Variants in NRP1 observed in about 807,000 individuals in gnomAD.
The protein encoded by NRP1 is neuropilin 1, also known as neuropilin-1.
In NRP1, 35 loss-of-function variants were observed where a neutral mutation model predicts 106.7. The observed-to-expected ratio is 0.33, with a 90% CI of 0.25 to 0.43. NRP1 has a LOEUF of 0.43. Ranked by LOEUF, NRP1 falls within the 20% of genes least tolerant of loss-of-function variation. The probability of loss-of-function intolerance (pLI) is 1.00; values close to 1 mark genes in which losing one functional copy is unlikely to be tolerated. For missense variants in NRP1, 1,024 were observed against 1,170.4 expected, an observed-to-expected ratio of 0.87 and a Z score of 1.83; for synonymous variants, 437 against 417.9, an observed-to-expected ratio of 1.05 and a Z score of -0.56.
chr10:33,241,159 C>T (rs771213115), intron 6 of NRP1, among the ~76,000 whole-genome samples: 62 of 152,100 alleles, frequency 4.1e-4, no homozygotes, highest in Non-Finnish European at 6.9e-4. Flanking sequence ...AATAGAAACG[C>T]CATGTGTGGA....
At chr10:33,284,122 T>C (rs1026878267) in intron 2 of NRP1, among the ~76,000 whole-genome samples, 5 of 152,212 alleles carry the variant, frequency 3.3e-5, no homozygotes, top group Non-Finnish European at 7.3e-5. Flanking sequence ...TGATAATACT[T>C]AAGTCTCAGC....
chr10:33,306,324 G>C (rs369609637), intron 2 of NRP1, among the ~76,000 whole-genome samples: 2 of 151,070 alleles, frequency 1.3e-5, no homozygotes, highest in African/African-American at 2.4e-5. Flanking sequence ...GTTTACGAAG[G>C]CAGCTGCTTT....
intron 15 of NRP1, among the ~76,000 whole-genome samples, chr10:33,183,967 G>A (rs1835846256): frequency 6.6e-6 from 1 of 152,090 alleles, no homozygotes; most frequent in Admixed American, 6.6e-5. Context: ...CCATAGAATT[G>A]TCTCAACTAT....
intron 6 of NRP1, among the ~76,000 whole-genome samples, chr10:33,237,214 G>T (rs1295078323): frequency 1.3e-5 from 2 of 152,098 alleles, no homozygotes; most frequent in Non-Finnish European, 2.9e-5. Context: ...CACATTTACT[G>T]TATGCCAGGA....
intron 11 of NRP1, chr10:33,202,663 T>C: frequency 1.3e-6 from 2 of 1,543,714 alleles, no homozygotes; most frequent in Non-Finnish European, 1.8e-6. Flanking sequence ...AGCCTTTGGC[T>C]CTCGAAATGG....
intron 13 of NRP1, 139 bp from the exon 14 acceptor site, chr10:33,186,627 T>C (rs557834031): frequency 5.9e-6 from 6 of 1,013,184 alleles, no homozygotes; most frequent in Admixed American, 2.7e-5. Flanking sequence ...GGGATAAGTG[T>C]GCACACTTGG....
intron 6 of NRP1, among the ~76,000 whole-genome samples, chr10:33,245,290 A>C (rs1357730216): frequency 6.6e-6 from 1 of 152,144 alleles, no homozygotes; most frequent in East Asian, 1.9e-4. Flanking sequence ...CAATGTCTGG[A>C]GACAGTATTT....
chr10:33,334,351 A>G lies in NRP1; in HGVS notation c.32T>C (p.Val11Ala). 1 of 1,546,818 alleles carries G rather than the reference A, an allele frequency of 6.5e-7. No homozygotes were observed. The highest frequency in any genetic ancestry group is 8.7e-7 in the Non-Finnish European group (1 of 1,147,476). Residue 11 changes from valine to alanine, a missense_variant, in exon 1 of 17, where the codon GTG becomes GCG. Around this residue, in one of 5 missense-constraint regions of NRP1, gnomAD observed 279 missense variants for 327.4 expected, o/e 0.85. Coordinates refer to ENST00000374867, the MANE Select transcript of NRP1 (RefSeq NM_003873.7). MERGLPLLCA[V>A]LALVLAPAGA... Reference sequence around the variant, plus strand: ...GGCCGGGGCGAGGACGAGGGCGAGCACGGCGCAGAGGAGCGGCAGCCCCCT... The same window carrying G: ...GGCCGGGGCGAGGACGAGGGCGAGCGCGGCGCAGAGGAGCGGCAGCCCCCT...
chr10:33,330,647 G>A lies in NRP1; in HGVS notation c.248+61C>T, dbSNP rs1433326041. ...CATTGTACACACCGACTTCCCCCCC[G>A]TAGACAGGCGTGACCACTAGATGGT... is the stretch of plus-strand genomic sequence containing the variant. On this transcript the variant is annotated intron_variant, in intron 2 of 16. Transcript: ENST00000374867. The A allele has an allele frequency of 1.9e-5, 27 of 1,440,736 alleles. 1 individual carries two copies. In the South Asian group the frequency reaches 2.8e-4, roughly 15 times the overall value. 89.2% of individuals were successfully genotyped at this position (1,440,736 alleles called of 1,614,324 possible).
intron 4 of NRP1, among the ~76,000 whole-genome samples, chr10:33,262,613 G>T (rs547034842): frequency 1.3e-5 from 2 of 148,636 alleles, no homozygotes; most frequent in Admixed American, 1.4e-4. Context: ...TGAGGCAGAA[G>T]AATTGCTTGA....
rs200246620 is a variant in NRP1, at chr10:33,207,654, C to T, written c.1677G>A (p.Thr559=). The part of the protein sequence containing the change: ...PELRTFPALS[T]RFIRIYPERA... Reference sequence around the variant, plus strand: ...TCTCGGGGTAGATCCTGATGAATCGCGTGGAGAGAGCTGGAAAAGTCCGCA... The same window carrying T: ...TCTCGGGGTAGATCCTGATGAATCGTGTGGAGAGAGCTGGAAAAGTCCGCA... Residue 559 remains threonine, a synonymous_variant, in exon 10 of 17, where the codon ACG becomes ACA. Transcript: ENST00000374867. The T allele has an allele frequency of 1.1e-5, 18 of 1,613,974 alleles. No homozygotes were observed. Among genetic ancestry groups the T allele is most frequent in the African/African-American group, 5.3e-5 (4 of 74,972 alleles).
At chr10:33,254,215 C>T (rs746218054) in intron 5 of NRP1, 21 bp from the exon 6 acceptor site, 116 of 1,586,866 alleles carry the variant, frequency 7.3e-5, no homozygotes, top group Non-Finnish European at 8.4e-5. Context: ...AAACAGGGCC[C>T]ACAGTCATCA....
intron 7 of NRP1, among the ~76,000 whole-genome samples, chr10:33,222,267 T>C (rs1839306035): frequency 6.6e-6 from 1 of 152,192 alleles, no homozygotes; most frequent in African/African-American, 2.4e-5. Context: ...AAGTAAACTA[T>C]AGGGCCTGGC....
At chr10:33,277,042 C>G (rs1199719835) in intron 2 of NRP1, among the ~76,000 whole-genome samples, 1 of 150,938 alleles carries the variant, frequency 6.6e-6, no homozygotes, top group Non-Finnish European at 1.5e-5. Flanking sequence ...GAGTTTGAGG[C>G]TGCAGTGAGC....
At chr10:33,201,606 G>C (rs1252004460) in intron 11 of NRP1, 2 of 152,162 alleles carry the variant, frequency 1.3e-5, no homozygotes, top group South Asian at 4.1e-4. Flanking sequence ...CACAGAAAAT[G>C]TCTCTGCATT....
At chr10:33,307,515 G>T (rs1357567220) in intron 2 of NRP1, among the ~76,000 whole-genome samples, 1 of 152,048 alleles carries the variant, frequency 6.6e-6, no homozygotes, top group East Asian at 1.9e-4. Context: ...TGAAAACATA[G>T]ATATAGTTTT....
At chr10:33,264,981 G>A (rs2284939) in intron 3 of NRP1, among the ~76,000 whole-genome samples, 78,628 of 151,648 alleles carry the variant, frequency 0.52, 21,114 homozygotes, top group African/African-American at 0.65. Flanking sequence ...GTGGTCGTGG[G>A]CACCTGTAAT....
chr10:33,244,882 A>C (rs1309382750), intron 6 of NRP1, among the ~76,000 whole-genome samples: 2 of 152,206 alleles, frequency 1.3e-5, no homozygotes, highest in Non-Finnish European at 2.9e-5. Flanking sequence ...GATAATTTGC[A>C]ATTTTATCCT....
At chr10:33,330,029 T>C (rs1371660372) in intron 2 of NRP1, among the ~76,000 whole-genome samples, 4 of 152,210 alleles carry the variant, frequency 2.6e-5, no homozygotes, top group Non-Finnish European at 4.4e-5. Flanking sequence ...TAGAAAGAGA[T>C]AGCAAGACTA....
Sources: gnomAD v4.1 joint callset for allele counts (sites outside exome capture counted in the v4.1 genomes callset) on GRCh38, gnomAD v4.1.1 for gene constraint, gnomAD v4.1.1 regional missense constraint, MANE v1.5 for transcripts, NCBI Gene and HGNC (gene_info 2026-07-23, HGNC 2026-07-21) for gene names.